The following RARB variants were observed in gnomAD, a reference collection of about 807,000 sequenced individuals.
The protein encoded by RARB is HBV-activated protein.
A neutral mutation model predicts 51.9 loss-of-function variants in RARB; 17 were observed. The ratio of observed to expected loss-of-function variants is 0.33; its 90% CI spans 0.22 to 0.49. RARB has a LOEUF of 0.49. Ranked by LOEUF, RARB falls within the 20% of genes least tolerant of loss-of-function variation. RARB has a pLI of 0.99. For synonymous variants in RARB, 215 were observed against 195.4 expected, an observed-to-expected ratio of 1.10 and a Z score of -0.84; for missense variants, 369 against 550.8, an observed-to-expected ratio of 0.67 and a Z score of 3.30.
intron 3 of RARB, among the ~76,000 whole-genome samples, chr3:25,082,781 T>TTTC (rs1235853376): frequency 1.3e-5 from 2 of 152,124 alleles, no homozygotes; most frequent in African/African-American, 4.8e-5. Context: ...GCTGAAGAAC[T>TTTC]TTCTCTGCTG....
At chr3:24,869,087 T>A (rs1342024961) in intron 2 of RARB, among the ~76,000 whole-genome samples, 1 of 152,248 alleles carries the variant, frequency 6.6e-6, no homozygotes, top group Middle Eastern at 3.4e-3. Context: ...CTTCATGTTA[T>A]CTCTCTCTCA....
At chr3:25,517,139 C>G (rs564621073) in intron 3 of RARB, among the ~76,000 whole-genome samples, 3 of 152,250 alleles carry the variant, frequency 2.0e-5, no homozygotes, top group African/African-American at 7.2e-5. Context: ...AATGTCACTT[C>G]TAAAATATCA....
intron 3 of RARB, among the ~76,000 whole-genome samples, chr3:25,112,810 C>A (rs1313063701): frequency 6.6e-6 from 1 of 152,066 alleles, no homozygotes; most frequent in African/African-American, 2.4e-5. Context: ...GTTTTCCTAA[C>A]CATCTTGTAT....
intron 2 of RARB, among the ~76,000 whole-genome samples, chr3:24,881,823 CAAATT>C (rs1231446063): frequency 6.6e-6 from 1 of 152,056 alleles, no homozygotes; most frequent in African/African-American, 2.4e-5. Context: ...TGAAAATAAT[CAAATT>C]GATCATTTTT....
At chr3:25,207,549 C>T (rs1191204502) in intron 5 of RARB, among the ~76,000 whole-genome samples, 1 of 152,128 alleles carries the variant, frequency 6.6e-6, no homozygotes, top group East Asian at 1.9e-4. Context: ...AATTACAAAA[C>T]ATAAATAAAA....
chr3:25,530,587 G>C (rs1200740394), intron 3 of RARB, among the ~76,000 whole-genome samples: 2 of 152,190 alleles, frequency 1.3e-5, no homozygotes, highest in African/African-American at 2.4e-5. Context: ...CATGGCCAGA[G>C]TCTTTCTCAC....
intron 3 of RARB, among the ~76,000 whole-genome samples, chr3:25,564,007 C>T (rs1309819616): frequency 6.7e-6 from 1 of 148,636 alleles, no homozygotes; most frequent in Non-Finnish European, 1.5e-5. Context: ...TCATCTCTTC[C>T]TGAATCCAAG....
intron 5 of RARB, among the ~76,000 whole-genome samples, chr3:25,405,078 T>TG (rs1180756666): frequency 6.6e-6 from 1 of 152,218 alleles, no homozygotes; most frequent in Non-Finnish European, 1.5e-5. Context: ...TGTCTCTGTT[T>TG]GCTCCATGAG....
At chr3:25,555,122 A>C (rs1561032) in intron 3 of RARB, among the ~76,000 whole-genome samples, 33,742 of 151,810 alleles carry the variant, frequency 0.22, 4,493 homozygotes, top group East Asian at 0.4. Flanking sequence ...TATTTGAATA[A>C]AATTAGTGAA....
intron 2 of RARB, among the ~76,000 whole-genome samples, chr3:25,059,274 C>T (rs1575140778): frequency 6.6e-6 from 1 of 151,508 alleles, no homozygotes; most frequent in Admixed American, 6.6e-5. Flanking sequence ...TACTTGGATG[C>T]CTATCTATTT....
At chr3:24,844,641 G>T (rs1702464089) in intron 1 of RARB, among the ~76,000 whole-genome samples, 1 of 152,182 alleles carries the variant, frequency 6.6e-6, no homozygotes, top group African/African-American at 2.4e-5. Flanking sequence ...GAATTGTACT[G>T]CATGACCTTG....
chr3:24,956,190 C>T (rs1696010746), intron 2 of RARB, among the ~76,000 whole-genome samples: 1 of 152,092 alleles, frequency 6.6e-6, no homozygotes, highest in Non-Finnish European at 1.5e-5. Context: ...TAATCATTTT[C>T]TGTGCTTCAA....
chr3:25,111,888 A>G (rs1399248898), intron 3 of RARB, among the ~76,000 whole-genome samples: 4 of 151,880 alleles, frequency 2.6e-5, no homozygotes, highest in Admixed American at 6.6e-5. Flanking sequence ...AACAAATTTT[A>G]TATTCATTTC....
intron 2 of RARB, among the ~76,000 whole-genome samples, chr3:24,954,064 C>T (rs1230633997): frequency 2.0e-5 from 3 of 152,092 alleles, no homozygotes; most frequent in Non-Finnish European, 2.9e-5. Flanking sequence ...CTGCTTCTCC[C>T]TATTCTTTTT....
At chr3:25,142,370 A>G (rs980008229) in intron 4 of RARB, among the ~76,000 whole-genome samples, 1 of 152,136 alleles carries the variant, frequency 6.6e-6, no homozygotes, top group African/African-American at 2.4e-5. Context: ...CTTGAGATGC[A>G]ACTCAGAACC....
chr3:24,992,673 G>C (rs1696937646), intron 2 of RARB, among the ~76,000 whole-genome samples: 2 of 151,964 alleles, frequency 1.3e-5, no homozygotes, highest in Non-Finnish European at 1.5e-5. Context: ...TTTCTCCTTG[G>C]CTTATAGATG....
intron 2 of RARB, among the ~76,000 whole-genome samples, chr3:25,048,881 C>T (rs1466075361): frequency 1.3e-5 from 2 of 151,692 alleles, no homozygotes; most frequent in Non-Finnish European, 2.9e-5. Context: ...TCAGCCTCCC[C>T]AGTAGCTGGG....
intron 2 of RARB, among the ~76,000 whole-genome samples, chr3:24,923,239 G>C (rs914742692): frequency 6.6e-6 from 1 of 152,160 alleles, no homozygotes; most frequent in African/African-American, 2.4e-5. Flanking sequence ...GAAGTGCTTA[G>C]ATAGCAAACC....
intron 2 of RARB, among the ~76,000 whole-genome samples, chr3:25,485,083 A>G (rs892578785): frequency 6.6e-6 from 1 of 152,256 alleles, no homozygotes; most frequent in South Asian, 2.1e-4. Context: ...TAAGGATAAA[A>G]GTAAAAATTA....
Sources: allele counts gnomAD v4.1 joint callset (sites outside exome capture counted in the v4.1 genomes callset), GRCh38; gene constraint gnomAD v4.1.1; transcripts MANE v1.5; gene names NCBI Gene and HGNC (gene_info 2026-07-23, HGNC 2026-07-21).